The following TMEM232 variants were observed in gnomAD, a reference collection of about 807,000 sequenced individuals.
TMEM232 encodes the protein transmembrane protein 232.
Under a neutral mutation model 78.8 loss-of-function variants are expected in TMEM232, and 80 were observed. That is an observed-to-expected ratio of 1.01 (90% CI 0.85 to 1.22). The LOEUF (loss-of-function observed/expected upper bound fraction) is 1.22, where lower values mean the gene tolerates loss of function less well. Ranked by LOEUF, TMEM232 falls within the 50% of genes most tolerant of loss-of-function variation. TMEM232 has a pLI of 0.00. For synonymous variants in TMEM232, 297 were observed against 254.3 expected (o/e 1.17, Z -1.60); for missense variants, 881 against 742.2 (o/e 1.19, Z -2.17).
At chr5:110,584,378 C>T (rs567953495) in intron 10 of TMEM232, among the ~76,000 whole-genome samples, 1 of 152,048 alleles carries the variant, frequency 6.6e-6, no homozygotes, top group African/African-American at 2.4e-5. Flanking sequence ...AAACATTACG[C>T]TAAGTGAATT....
chr5:110,607,388 G>A (rs1188822447), intron 8 of TMEM232, among the ~76,000 whole-genome samples: 2 of 151,632 alleles, frequency 1.3e-5, no homozygotes, highest in Non-Finnish European at 2.9e-5. Context: ...TTACATAAAT[G>A]TCAATATTTA....
intron 12 of TMEM232, among the ~76,000 whole-genome samples, chr5:110,455,057 A>G (rs1005948274): frequency 6.6e-6 from 1 of 152,194 alleles, no homozygotes; most frequent in Non-Finnish European, 1.5e-5. Context: ...TGCAATGGGC[A>G]AATTCCTTGA....
intron 6 of TMEM232, among the ~76,000 whole-genome samples, chr5:110,626,435 G>C (rs967451408): frequency 3.9e-5 from 6 of 151,912 alleles, no homozygotes; most frequent in African/African-American, 1.4e-4. Context: ...TTATGCTAAT[G>C]GTACTAATTG....
chr5:110,575,914 T>C (rs1250814434), intron 10 of TMEM232, among the ~76,000 whole-genome samples: 2 of 151,956 alleles, frequency 1.3e-5, no homozygotes, highest in East Asian at 3.9e-4. Context: ...AGCTTAGATG[T>C]TCTTGCTTTC....
chr5:110,690,720 A>C (rs1040224531), intron 1 of TMEM232, among the ~76,000 whole-genome samples: 1 of 152,236 alleles, frequency 6.6e-6, no homozygotes. Flanking sequence ...ACTTGGAACC[A>C]ACCCAAATAC....
chr5:110,442,152 A>G (rs1218564070), intron 12 of TMEM232, among the ~76,000 whole-genome samples: 4 of 151,922 alleles, frequency 2.6e-5, no homozygotes, highest in Non-Finnish European at 5.9e-5. Context: ...TTGAATGTTG[A>G]TATCTTCTCT....
At chr5:110,554,531 T>C (rs1035169962) in intron 11 of TMEM232, among the ~76,000 whole-genome samples, 3 of 152,066 alleles carry the variant, frequency 2.0e-5, no homozygotes, top group African/African-American at 7.2e-5. Context: ...TTGATCATAG[T>C]GTGTTGTCTT....
intron 10 of TMEM232, among the ~76,000 whole-genome samples, chr5:110,577,818 G>A (rs115452434): frequency 0.034 from 5,159 of 152,004 alleles, 131 homozygotes; most frequent in African/African-American, 0.065. Flanking sequence ...GGAGCTAAAT[G>A]ATGACAACAC....
At chr5:110,506,707 A>C (rs958282340) in intron 12 of TMEM232, among the ~76,000 whole-genome samples, 9 of 152,190 alleles carry the variant, frequency 5.9e-5, no homozygotes, top group African/African-American at 1.9e-4. Flanking sequence ...CAGAGCATAT[A>C]AACACTGAAT....
At chr5:110,523,712 G>A (rs1045101043) in intron 12 of TMEM232, among the ~76,000 whole-genome samples, 1 of 152,004 alleles carries the variant, frequency 6.6e-6, no homozygotes, top group African/African-American at 2.4e-5. Context: ...CAGCAGTTTG[G>A]GAGGTAAAAG....
intron 1 of TMEM232, among the ~76,000 whole-genome samples, chr5:110,723,173 G>T (rs1432237695): frequency 6.6e-6 from 1 of 152,072 alleles, no homozygotes; most frequent in Non-Finnish European, 1.5e-5. Flanking sequence ...ATTAATTATT[G>T]ATTCCATTTC....
intron 2 of TMEM232, among the ~76,000 whole-genome samples, chr5:110,733,232 A>G (rs1209026737): frequency 6.6e-6 from 1 of 152,196 alleles, no homozygotes; most frequent in Non-Finnish European, 1.5e-5. Flanking sequence ...AAACTCTTAC[A>G]TACCGTTGGG....
intron 5 of TMEM232, among the ~76,000 whole-genome samples, chr5:110,632,228 A>G (rs1785219705): frequency 6.6e-6 from 1 of 151,218 alleles, no homozygotes; most frequent in African/African-American, 2.5e-5. Context: ...CAACACTATG[A>G]TACATTTTCA....
At chr5:110,697,603 A>T (rs1157043012) in intron 1 of TMEM232, among the ~76,000 whole-genome samples, 1 of 152,178 alleles carries the variant, frequency 6.6e-6, no homozygotes, top group Non-Finnish European at 1.5e-5. Flanking sequence ...AATTTACAAG[A>T]AAAAAACAAA....
intron 2 of TMEM232, among the ~76,000 whole-genome samples, chr5:110,404,907 TG>T (rs2112573796): frequency 6.6e-6 from 1 of 152,100 alleles, no homozygotes; most frequent in South Asian, 2.1e-4. Flanking sequence ...AAGCTTTAGA[TG>T]ACACAGTGAT....
intron 10 of TMEM232, among the ~76,000 whole-genome samples, chr5:110,602,427 A>G (rs1017696385): frequency 6.6e-5 from 10 of 152,110 alleles, no homozygotes; most frequent in Admixed American, 1.3e-4. Context: ...CAGAATCTAC[A>G]AGGAACTGGA....
At chr5:110,650,324 C>T (rs1788132282) in intron 2 of TMEM232, among the ~76,000 whole-genome samples, 1 of 151,854 alleles carries the variant, frequency 6.6e-6, no homozygotes, top group Admixed American at 6.6e-5. Context: ...TTAACATATT[C>T]AGAATTTCAA....
chr5:110,392,814 A>T (rs78904516), intron 3 of TMEM232, among the ~76,000 whole-genome samples: 1 of 152,170 alleles, frequency 6.6e-6, no homozygotes, highest in Non-Finnish European at 1.5e-5. Context: ...AAACCTTTCA[A>T]TGACCTAACA....
chr5:110,421,270 A>G (rs1291053675), intron 13 of TMEM232, among the ~76,000 whole-genome samples: 3 of 152,002 alleles, frequency 2.0e-5, no homozygotes, highest in Non-Finnish European at 4.4e-5. Context: ...ATTGGCCATG[A>G]TAATTTTTTT....
Sources: gnomAD v4.1 joint callset for allele counts (sites outside exome capture counted in the v4.1 genomes callset) on GRCh38, gnomAD v4.1.1 for gene constraint, MANE v1.5 for transcripts, NCBI Gene and HGNC (gene_info 2026-07-23, HGNC 2026-07-21) for gene names.